MIA3: variants seen among roughly 807,000 people sequenced by gnomAD.
The protein encoded by MIA3 is MIA SH3 domain ER export factor 3, also known as transport and Golgi organization protein 1 homolog.
A neutral mutation model predicts 192.4 loss-of-function variants in MIA3; 90 were observed. The observed-to-expected ratio is 0.47, with a 90% confidence interval of 0.39 to 0.56. The LOEUF is 0.56. Ranked by LOEUF, MIA3 falls within the 20% of genes least tolerant of loss-of-function variation. The pLI, the probability that MIA3 is intolerant of heterozygous loss-of-function variation, is 0.00. For synonymous variants in MIA3, 740 were observed against 792.8 expected, an observed-to-expected ratio of 0.93 and a Z score of 1.12; for missense variants, 2,123 against 2,269.4, an observed-to-expected ratio of 0.94 and a Z score of 1.31.
chr1:222,628,136 G>A lies in MIA3; in HGVS notation c.916G>A (p.Glu306Lys). The A allele has an allele frequency of 6.2e-7, 1 of 1,613,886 alleles. No individual in the cohort carries two copies. The highest frequency in any genetic ancestry group is 8.5e-7 in the Non-Finnish European group (1 of 1,180,000). Residue 306 changes from glutamate (E) to lysine (K), a missense_variant, in exon 4 of 28, where the codon GAA (glutamate) becomes AAA (lysine). Around this residue, in one of 3 missense-constraint regions of MIA3, gnomAD observed 1,357 missense variants for 1,396.1 expected, o/e 0.97. Coordinates refer to ENST00000344922, the MANE Select transcript of MIA3 (RefSeq NM_198551.4). ...TTCATTAGAAGATGATTTTGATGAG[G>A]AATTGGATACTGAGTATTATGCAGT... ...VTSLEDDFDE[E>K]LDTEYYAVGK...
intron 3 of MIA3, among the ~76,000 whole-genome samples, chr1:222,626,026 CAT>C (rs1167588084): frequency 6.6e-6 from 1 of 151,846 alleles, no homozygotes. Flanking sequence ...GGCTGCCTTT[CAT>C]ATATATATAT....
intron 6 of MIA3, among the ~76,000 whole-genome samples, chr1:222,638,400 G>T (rs1029167632): frequency 5.8e-4 from 88 of 152,256 alleles, no homozygotes; most frequent in African/African-American, 2.0e-3. Flanking sequence ...AGTATTTTGA[G>T]ATGAATGAAA....
chr1:222,653,209 C>T lies in MIA3; in HGVS notation c.4210-19C>T, dbSNP rs1464588926. On this transcript the variant is annotated intron_variant, in intron 14 of 27. Coordinates refer to ENST00000344922, the MANE Select transcript of MIA3 (RefSeq NM_198551.4). The stretch of plus-strand genomic sequence containing the variant: ...AATTAAATGGAAAGACTCTTAATGC[C>T]CTTTTACTTCTTTTCTAGGCTTTGA... 4.4e-6 allele frequency: 7 copies of T among 1,601,380 alleles called. No homozygotes were observed. The highest frequency in any genetic ancestry group is 6.0e-6 in the Non-Finnish European group (7 of 1,169,962).
At chr1:222,658,863 A>C in intron 19 of MIA3, 40 bp downstream of exon 19, 1 of 1,393,356 alleles carries the variant, frequency 7.2e-7, no homozygotes, top group Non-Finnish European at 1.0e-6. Flanking sequence ...TGGCTAATGA[A>C]ACTAGTGTTG....
intron 2 of MIA3, among the ~76,000 whole-genome samples, chr1:222,623,503 T>A (rs1474706928): frequency 6.6e-6 from 1 of 152,200 alleles, no homozygotes. Context: ...AAAATGATTC[T>A]CATTTGTTTC....
In MIA3 at chr1:222,665,355, C is replaced by T. The variant is rs376932609; in HGVS notation, c.5460C>T (p.Gly1820=). 2.1e-5 allele frequency: 34 copies of T among 1,613,672 alleles called. No homozygotes were observed. In the African/African-American group the frequency reaches 2.1e-4, roughly 10 times the overall value. The change falls in exon 28 of 28, where the codon GGC becomes GGT. Residue 1820 remains glycine (G), a synonymous_variant. Coordinates refer to ENST00000344922, the MANE Select transcript of MIA3 (RefSeq NM_198551.4). Reference sequence around the variant, plus strand: ...TAGGCTTAAGAGAATTTGCACCAGGCGTTCCACCAGGAAGACGGGACCTGC... The same window carrying T: ...TAGGCTTAAGAGAATTTGCACCAGGTGTTCCACCAGGAAGACGGGACCTGC... ...PPLGLREFAP[G]VPPGRRDLPL...
intron 4 of MIA3, among the ~76,000 whole-genome samples, chr1:222,631,128 T>C (rs996635020): frequency 1.3e-5 from 2 of 151,468 alleles, no homozygotes; most frequent in Admixed American, 6.6e-5. Context: ...TTCTTTTCTT[T>C]TTTTTTTTCT....
rs777135893 is a variant in MIA3, at chr1:222,654,380, A to T, written c.4378-9A>T. 1.9e-6 allele frequency: 3 copies of T among 1,613,644 alleles called. No individual in the cohort carries two copies. The South Asian group carries it at 3.3e-5, about 18-fold the overall frequency. On this transcript the variant is annotated splice_polypyrimidine_tract_variant and intron_variant, in intron 16 of 27. Coordinates refer to ENST00000344922, the MANE Select transcript of MIA3 (RefSeq NM_198551.4). Reference sequence around the variant, plus strand: ...TTTTATGAATACTTGTCTCTTCTGCAATTTTTAGACACAGACTGCAATATC... The same window carrying T: ...TTTTATGAATACTTGTCTCTTCTGCTATTTTTAGACACAGACTGCAATATC...
intron 1 of MIA3, among the ~76,000 whole-genome samples, chr1:222,619,658 G>A (rs1006361205): frequency 5.3e-5 from 8 of 152,180 alleles, no homozygotes; most frequent in Non-Finnish European, 1.0e-4. Context: ...TGCAAGCATT[G>A]CCCTGCCTGG....
intron 6 of MIA3, chr1:222,641,667 C>T (rs1284432069): frequency 3.7e-6 from 2 of 540,810 alleles, no homozygotes; most frequent in South Asian, 1.4e-5. Context: ...ATATTAAACT[C>T]GTCAGTGGGA....
Position 222,654,723 on chromosome 1 carries a change from T to C in MIA3, c.4537T>C (p.Cys1513Arg), listed in dbSNP as rs2124914048. The change falls in exon 18 of 28, where the codon TGC becomes CGC. Residue 1513 changes from cysteine to arginine, a missense_variant. Physicochemically the swap from Cys to Arg is radical, Grantham distance 180 (BLOSUM62 -3). This residue lies in a region of MIA3 where 762 missense variants were observed against 856.4 expected (regional missense o/e 0.89). Transcript: ENST00000344922. The stretch of plus-strand genomic sequence containing the variant: ...TGCCAAAGCTGGACTGGAAGATGAA[T>C]GCAAAACCTTGAGGCAGAAAGTGGA... The part of the protein sequence containing the change: ...QAAKAGLEDE[C>R]KTLRQKVEIL... 6.2e-7 allele frequency: 1 copy of C among 1,614,176 alleles called. No individual in the cohort carries two copies. Among genetic ancestry groups the C allele is most frequent in the East Asian group, 2.2e-5 (1 of 44,876 alleles).
chr1:222,623,363 G>C (rs1209869810), intron 2 of MIA3, among the ~76,000 whole-genome samples: 1 of 150,854 alleles, frequency 6.6e-6, no homozygotes, highest in East Asian at 1.9e-4. Flanking sequence ...TAAATGTATT[G>C]TATTTCCCTT....
At chr1:222,665,284 A>G in intron 27 of MIA3, 25 bp from the exon 28 acceptor site, 1 of 1,526,832 alleles carries the variant, frequency 6.5e-7, no homozygotes, top group Non-Finnish European at 8.9e-7. Flanking sequence ...CTAGGAATTT[A>G]CTGGAAATAA....
chr1:222,633,740 C>G (rs554573271), intron 6 of MIA3, among the ~76,000 whole-genome samples: 4 of 150,948 alleles, frequency 2.6e-5, no homozygotes, highest in African/African-American at 4.9e-5. Context: ...GGCAGGGGGG[C>G]GGGCAGCATG....
Position 222,629,264 on chromosome 1 carries a change from G to A in MIA3, c.2044G>A (p.Ala682Thr), listed in dbSNP as rs781015338. ...SEKIRLSEGE[A>T]KEDSLDEEFF... is the part of the protein sequence containing the mutation. ...GAAGATAAGGCTCTCTGAGGGAGAA[G>A]CCAAAGAGGACTCCTTGGATGAAGA... Residue 682 changes from alanine (A) to threonine (T), a missense_variant, in exon 4 of 28, where the codon GCC (alanine) becomes ACC (threonine). Coordinates refer to ENST00000344922, the MANE Select transcript of MIA3 (RefSeq NM_198551.4). 5 of 1,614,194 alleles carry A rather than the reference G, an allele frequency of 3.1e-6. No individual in the cohort carries two copies. In the East Asian group the frequency reaches 1.1e-4, roughly 36 times the overall value.
intron 18 of MIA3, among the ~76,000 whole-genome samples, chr1:222,657,459 G>A (rs551347668): frequency 7.9e-5 from 12 of 152,300 alleles, no homozygotes; most frequent in East Asian, 3.9e-4. Flanking sequence ...TTAAAATGCC[G>A]GGCTTACTTA....
chr1:222,624,872 G>A lies in MIA3; in HGVS notation c.354+18G>A. 1 of 1,461,132 alleles carries A rather than the reference G, an allele frequency of 6.8e-7. No individual in the cohort carries two copies. Among genetic ancestry groups the A allele is most frequent in the Non-Finnish European group, 9.6e-7 (1 of 1,045,478 alleles). The allele number at this position is 1,461,132 out of a possible 1,614,324, so 90.5% of individuals were successfully genotyped here. On this transcript the variant is annotated intron_variant, in intron 3 of 27. Coordinates refer to ENST00000344922, the MANE Select transcript of MIA3 (RefSeq NM_198551.4). Reference sequence around the variant, plus strand: ...CAACAGATGTAAGTTGTGGATTTCTGTCTTGTTCTCAGTTATAAGTTGGCT... The same window carrying A: ...CAACAGATGTAAGTTGTGGATTTCTATCTTGTTCTCAGTTATAAGTTGGCT...
chr1:222,661,331 CTT>C (rs1663999581), intron 24 of MIA3: 1 of 152,288 alleles, frequency 6.6e-6, no homozygotes, highest in Non-Finnish European at 1.5e-5. Flanking sequence ...GACGATTCAT[CTT>C]GTAAACAGAC....
In MIA3 at chr1:222,628,082, T is replaced by C; in HGVS notation, c.862T>C (p.Ser288Pro). The part of the protein sequence containing the change: ...KFGSTADALV[S>P]DDETTRLVTS... Reference sequence around the variant, plus strand: ...TGGCTCAACAGCTGATGCACTTGTATCTGATGATGAGACAACCAGACTCGT... The same window carrying C: ...TGGCTCAACAGCTGATGCACTTGTACCTGATGATGAGACAACCAGACTCGT... Residue 288 changes from serine (S) to proline (P), a missense_variant, in exon 4 of 28, where the codon TCT becomes CCT. Physicochemically the swap from Ser to Pro is moderately conservative, Grantham distance 74 (BLOSUM62 -1). Transcript: ENST00000344922. 6.2e-7 allele frequency: 1 copy of C among 1,614,086 alleles called. No homozygotes were observed. Among genetic ancestry groups the C allele is most frequent in the Non-Finnish European group, 8.5e-7 (1 of 1,180,032 alleles).
Sources: allele counts gnomAD v4.1 joint callset (sites outside exome capture counted in the v4.1 genomes callset), GRCh38; gene constraint gnomAD v4.1.1; regional missense constraint gnomAD v4.1.1; transcripts MANE v1.5; gene names NCBI Gene and HGNC (gene_info 2026-07-23, HGNC 2026-07-21).